The following RNF13 variants were observed in gnomAD, a reference collection of about 807,000 sequenced individuals.
RNF13 encodes the protein E3 ubiquitin-protein ligase RNF13.
In RNF13, 19 loss-of-function variants were observed where a neutral mutation model predicts 37.7. The ratio of observed to expected loss-of-function variants is 0.50; its 90% CI spans 0.35 to 0.74. RNF13 has a LOEUF of 0.74. Among genes scored for constraint, RNF13 ranks in the 30% least tolerant of loss-of-function variants. The pLI is 0.01. For synonymous variants in RNF13, 144 were observed against 157.8 expected (o/e 0.91, Z 0.65); for missense variants, 375 against 453.0 (o/e 0.83, Z 1.56).
At chr3:149,819,484 T>C (rs973620912) in intron 1 of RNF13, among the ~76,000 whole-genome samples, 1 of 152,224 alleles carries the variant, frequency 6.6e-6, no homozygotes, top group Admixed American at 6.5e-5. Flanking sequence ...GCCTCTGATA[T>C]TGTGCTAGAT....
At chr3:149,814,083 T>G (rs547813632) in intron 1 of RNF13, 7 of 152,310 alleles carry the variant, frequency 4.6e-5, no homozygotes, top group Middle Eastern at 3.4e-3. Context: ...TTTCCAAAAC[T>G]GTCGTTTCAT....
In RNF13 at chr3:149,882,173, C is replaced by T. The variant is rs1713496347; in HGVS notation, c.321+10019C>T. 4.0e-5 allele frequency among the ~76,000 whole-genome samples: 6 copies of T among 149,366 alleles called. No homozygotes were observed. The Admixed American group carries it at 4.1e-4, about 10-fold the overall frequency. On this transcript the variant is annotated intron_variant, in intron 4 of 9. Transcript: ENST00000392894. ...GCATGTTCATGATGATCTCGAGTAA[C>T]TGGAAAAGGTCAAGTCACATTTGGT...
At chr3:149,944,241 A>G (rs1016594853) in intron 8 of RNF13, among the ~76,000 whole-genome samples, 7 of 152,152 alleles carry the variant, frequency 4.6e-5, no homozygotes, top group African/African-American at 1.7e-4. Flanking sequence ...GGTTGGCTCC[A>G]AGTCTTTGCT....
chr3:149,819,432 A>G (rs1244902536), intron 1 of RNF13, among the ~76,000 whole-genome samples: 1 of 148,952 alleles, frequency 6.7e-6, no homozygotes, highest in Non-Finnish European at 1.5e-5. Context: ...ATAATGGATC[A>G]TAATACTCAC....
chr3:149,871,064 C>T (rs60425233), intron 3 of RNF13, among the ~76,000 whole-genome samples: 3,661 of 132,160 alleles, frequency 0.028, 83 homozygotes, highest in South Asian at 0.035. Context: ...TTTTCCGAGA[C>T]GGAGTTTCGC....
chr3:149,884,591 A>AT (rs142517758), intron 4 of RNF13, among the ~76,000 whole-genome samples: 7 of 149,574 alleles, frequency 4.7e-5, no homozygotes, highest in South Asian at 4.2e-4. Context: ...ACCCATCTAC[A>AT]TTTTTTTTTA....
chr3:149,812,759 C>A, upstream of RNF13: 1 of 152,806 alleles, frequency 6.5e-6, no homozygotes, highest in Non-Finnish European at 1.5e-5. Flanking sequence ...CGCGTCAGCG[C>A]CAGGGCCAGG....
chr3:149,851,744 A>G (rs559776226), intron 2 of RNF13: 6 of 152,274 alleles, frequency 3.9e-5, no homozygotes, highest in East Asian at 3.9e-4. Flanking sequence ...TTTACTATCT[A>G]TGAAACTCAG....
chr3:149,866,096 C>T (rs559521853), intron 3 of RNF13, among the ~76,000 whole-genome samples: 1 of 151,312 alleles, frequency 6.6e-6, no homozygotes, highest in South Asian at 2.1e-4. Context: ...CATCTATAAA[C>T]TGTCATGGCA....
chr3:149,845,706 C>T lies in RNF13; in HGVS notation c.-16-305C>T, dbSNP rs978526767. ...TTATTTTGGTTGAAATCTAGTTTCT[C>T]TGAAATTTGGGTTAGTAAGACAAGC... is the stretch of plus-strand genomic sequence containing the variant. On this transcript the variant is annotated intron_variant, in intron 1 of 9. Transcript: ENST00000392894. The T allele has an allele frequency of 2.7e-5, 5 of 184,790 alleles. No individual in the cohort carries two copies. The Admixed American group carries it at 3.1e-4, about 11-fold the overall frequency. The allele number at this position is 184,790 out of a possible 1,614,324, so 11.4% of individuals were successfully genotyped here. A position where few individuals can be genotyped will look rare whatever the true frequency, so the allele number is the denominator to read the frequency against.
chr3:149,898,940 A>G (rs1350757099), intron 5 of RNF13, among the ~76,000 whole-genome samples: 2 of 152,186 alleles, frequency 1.3e-5, no homozygotes, highest in South Asian at 4.1e-4. Context: ...TGAGTCATGC[A>G]GATTTCTGAA....
At chr3:149,935,103 G>A (rs958238600) in intron 8 of RNF13, among the ~76,000 whole-genome samples, 5 of 152,130 alleles carry the variant, frequency 3.3e-5, no homozygotes, top group African/African-American at 1.2e-4. Flanking sequence ...TGGATGAAGT[G>A]TTCTGTAAAT....
chr3:149,941,293 T>C (rs1312179458), intron 8 of RNF13, among the ~76,000 whole-genome samples: 2 of 152,130 alleles, frequency 1.3e-5, no homozygotes, highest in African/African-American at 4.8e-5. Flanking sequence ...CTCTCTGTAC[T>C]ACCTGCACCA....
intron 8 of RNF13, among the ~76,000 whole-genome samples, chr3:149,925,443 C>T (rs749604954): frequency 6.6e-6 from 1 of 152,116 alleles, no homozygotes; most frequent in Non-Finnish European, 1.5e-5. Flanking sequence ...TCAAGTTGTA[C>T]CACATACGAA....
At chr3:149,903,595 T>G (rs955266447) in intron 6 of RNF13, among the ~76,000 whole-genome samples, 1 of 152,126 alleles carries the variant, frequency 6.6e-6, no homozygotes, top group African/African-American at 2.4e-5. Context: ...GTAACTTGCT[T>G]TATTTACTTA....
At chr3:149,915,171 T>C (rs1717376761) in intron 7 of RNF13, among the ~76,000 whole-genome samples, 1 of 152,258 alleles carries the variant, frequency 6.6e-6, no homozygotes, top group Non-Finnish European at 1.5e-5. Flanking sequence ...GTTACATTAA[T>C]ATGCTTTGTA....
intron 2 of RNF13, 30 bp from the exon 3 acceptor site, chr3:149,852,486 T>C (rs773797832): frequency 1.8e-6 from 2 of 1,126,428 alleles, no homozygotes; most frequent in Admixed American, 2.2e-5. Context: ...AAATTGGTCT[T>C]AACTTGAATA....
At chr3:149,949,841 C>G (rs1223769726) in intron 8 of RNF13, among the ~76,000 whole-genome samples, 2 of 151,418 alleles carry the variant, frequency 1.3e-5, no homozygotes, top group African/African-American at 4.9e-5. Context: ...TGTCTGAAAC[C>G]AATTTCAGGA....
At chr3:149,868,723 T>C (rs1711628304) in intron 3 of RNF13, among the ~76,000 whole-genome samples, 1 of 151,588 alleles carries the variant, frequency 6.6e-6, no homozygotes, top group Admixed American at 6.6e-5. Context: ...CCAGATGAAT[T>C]GGAACTCCTT....
Sources: gnomAD v4.1 joint callset for allele counts (sites outside exome capture counted in the v4.1 genomes callset) on GRCh38, gnomAD v4.1.1 for gene constraint, MANE v1.5 for transcripts, NCBI Gene and HGNC (gene_info 2026-07-23, HGNC 2026-07-21) for gene names.